PAX8: variants seen among roughly 807,000 people sequenced by gnomAD.
PAX8 encodes the protein paired box 8.
PAX8 carries 15 observed loss-of-function variants against 52.4 expected under a neutral mutation model. The ratio of observed to expected loss-of-function variants is 0.29; its 90% confidence interval spans 0.19 to 0.44. The LOEUF (loss-of-function observed/expected upper bound fraction) is 0.44, where lower values mean the gene tolerates loss of function less well. PAX8 is among the 20% of genes least tolerant of loss of function. The pLI, the probability that PAX8 is intolerant of heterozygous loss-of-function variation, is 1.00. For missense variants in PAX8, 554 were observed against 602.5 expected (o/e 0.92, Z 0.84); for synonymous variants, 284 against 249.7 (o/e 1.14, Z -1.29).
At chr2:113,278,308 GCGCACGCAC>G in intron 2 of PAX8, 53 bp downstream of exon 2, 1 of 1,304,238 alleles carries the variant, frequency 7.7e-7, no homozygotes, top group Non-Finnish European at 1.1e-6. Flanking sequence ...AACCACCCGA[GCGCACGCAC>G]GGACGCTCAG....
At chr2:113,253,328 T>A (rs1403436663) in intron 2 of PAX8, among the ~76,000 whole-genome samples, 1 of 152,208 alleles carries the variant, frequency 6.6e-6, no homozygotes, top group Non-Finnish European at 1.5e-5. Context: ...ATCATGGGCA[T>A]CCCAGGTAAC....
intron 3 of PAX8, among the ~76,000 whole-genome samples, chr2:113,245,212 A>G (rs542760245): frequency 6.6e-6 from 1 of 151,868 alleles, no homozygotes; most frequent in East Asian, 1.9e-4. Flanking sequence ...ACACCCGGCT[A>G]ATTTTTGCAT....
Position 113,235,398 on chromosome 2 carries a change from G to A in PAX8, c.1083C>T (p.Leu361=). The stretch of plus-strand genomic sequence containing the variant: ...CCCGGGACCTCCCTGTCGTACCTGA[G>A]AGGAGGGCCTGGCCCGTGAACTGCC... ...VYGQFTGQAL[L]SGREMVGPTL... The change falls in exon 9 of 12, where the codon CTC becomes CTT. Residue 361 remains leucine, a synonymous_variant. Transcript: ENST00000429538. 6.3e-7 allele frequency: 1 copy of A among 1,578,320 alleles called. No homozygotes were observed. The highest frequency in any genetic ancestry group is 1.2e-5 in the South Asian group (1 of 86,660).
At chr2:113,228,352 T>C (rs145154262) in intron 9 of PAX8, among the ~76,000 whole-genome samples, 1 of 152,340 alleles carries the variant, frequency 6.6e-6, no homozygotes, top group African/African-American at 2.4e-5. Context: ...GCCCATTTCA[T>C]TCTCAAAATG....
At position 113,216,656 on chromosome 2, in the gene PAX8, A is replaced by G. The variant is rs1318381935; in HGVS notation, c.*1877T>C. 1 of 226,692 alleles carries G rather than the reference A, an allele frequency of 4.4e-6. No individual in the cohort carries two copies. The highest frequency in any genetic ancestry group is 2.2e-5 in the African/African-American group (1 of 44,930). The allele number at this position is 226,692 out of a possible 1,614,324, so 14.0% of individuals were successfully genotyped here. On this transcript the variant is annotated 3_prime_UTR_variant, in exon 12 of 12. Transcript: ENST00000429538. ...CAGCCTCCCTCACCTTGTCCTGGCC[A>G]CACTACACTCTACCTCTCCATTCAG...
intron 2 of PAX8, among the ~76,000 whole-genome samples, chr2:113,252,618 A>G (rs1031110356): frequency 1.3e-5 from 2 of 152,140 alleles, no homozygotes; most frequent in Middle Eastern, 3.2e-3. Flanking sequence ...GTTACCCCCA[A>G]CTTGCTGCAT....
At chr2:113,224,595 G>A (rs998273327) in intron 10 of PAX8, among the ~76,000 whole-genome samples, 101 of 151,042 alleles carry the variant, frequency 6.7e-4, no homozygotes, top group African/African-American at 2.4e-3. Context: ...TGGAAGGATC[G>A]GTGGAAAGGT....
intron 2 of PAX8, among the ~76,000 whole-genome samples, chr2:113,264,329 G>C (rs1692900869): frequency 6.6e-6 from 1 of 152,218 alleles, no homozygotes; most frequent in Non-Finnish European, 1.5e-5. Context: ...GGCCTGAATG[G>C]CTGCATCAGG....
In PAX8 at chr2:113,242,723, C is replaced by T. The variant is rs750018101; in HGVS notation, c.445G>A (p.Ala149Thr). The change falls in exon 5 of 12, where the codon GCC becomes ACC. Residue 149 changes from alanine to threonine, a missense_variant. Physicochemically the swap from Ala to Thr is moderately conservative, Grantham distance 58. Around this residue, in one of 2 missense-constraint regions of PAX8, gnomAD observed 445 missense variants for 409.9 expected, o/e 1.09. Coordinates refer to ENST00000429538, the MANE Select transcript of PAX8 (RefSeq NM_003466.4). The stretch of plus-strand genomic sequence containing the variant: ...TGTCCGGGACTCAGGGACTTGGTGG[C>T]CACGCAGCTGTCCATAGGGAGGTTG... The part of the protein sequence containing the change: ...PFNLPMDSCV[A>T]TKSLSPGHTL... The T allele has an allele frequency of 1.9e-5, 31 of 1,613,714 alleles. No individual in the cohort carries two copies. In the African/African-American group the frequency reaches 3.1e-4, roughly 16 times the overall value.
chr2:113,223,420 C>T (rs760214175), intron 10 of PAX8, among the ~76,000 whole-genome samples: 1 of 152,214 alleles, frequency 6.6e-6, no homozygotes, highest in Non-Finnish European at 1.5e-5. Context: ...AGAACTACTG[C>T]AACTGTCCCC....
intron 2 of PAX8, among the ~76,000 whole-genome samples, chr2:113,259,953 G>A (rs561056137): frequency 1.2e-4 from 18 of 152,312 alleles, no homozygotes; most frequent in African/African-American, 3.8e-4. Context: ...CCGAACACGC[G>A]TTTAGATGCT....
rs550030787 is a variant in PAX8 at position 113,262,106 on chromosome 2, A to G, written c.26-15187T>C. ...CGGCCTCCCAAAGTGTTAGAATTAC[A>G]GGCATGAGCCACTGTGCCCGGCCGA... is the stretch of plus-strand genomic sequence containing the variant. On this transcript the variant is annotated intron_variant, in intron 2 of 11. Transcript: ENST00000429538. Among the ~76,000 whole-genome samples, 275 of 152,348 alleles carry G rather than the reference A, an allele frequency of 1.8e-3. 1 individual carries two copies. Among genetic ancestry groups the G allele is most frequent in the African/African-American group, 6.4e-3 (267 of 41,584 alleles).
chr2:113,248,160 T>C (rs1691477148), intron 2 of PAX8, among the ~76,000 whole-genome samples: 1 of 152,228 alleles, frequency 6.6e-6, no homozygotes, highest in Non-Finnish European at 1.5e-5. Flanking sequence ...ACTGGGCTAA[T>C]TTCAGGGCCG....
intron 11 of PAX8, among the ~76,000 whole-genome samples, chr2:113,218,869 T>A (rs1042309925): frequency 6.6e-6 from 1 of 152,172 alleles, no homozygotes; most frequent in Non-Finnish European, 1.5e-5. Context: ...AACACCCTCG[T>A]TGCAATAGGG....
Position 113,236,666 on chromosome 2 carries a change from A to G in PAX8, c.833T>C (p.Leu278Pro). 5 of 1,594,324 alleles carry G rather than the reference A, an allele frequency of 3.1e-6. No homozygotes were observed. The highest frequency in any genetic ancestry group is 4.3e-6 in the Non-Finnish European group (5 of 1,170,770). Residue 278 changes from leucine (L) to proline (P), a missense_variant, in exon 8 of 12, where the codon CTG becomes CCG. Leu to Pro is a moderately conservative substitution (Grantham distance 98, BLOSUM62 -3). Around this residue, in one of 2 missense-constraint regions of PAX8, gnomAD observed 445 missense variants for 409.9 expected, o/e 1.09. Transcript: ENST00000429538. ...CCCCAGTGGCGTGTTGGAAGGGGTC[A>G]GGGTGGCCTTCCCGTCGTCCAGGGT... is the stretch of plus-strand genomic sequence containing the variant. The part of the protein sequence containing the change: ...NSTLDDGKAT[L>P]TPSNTPLGRN...
At chr2:113,272,160 T>G (rs1450002136) in intron 2 of PAX8, 1 of 152,132 alleles carries the variant, frequency 6.6e-6, no homozygotes, top group African/African-American at 2.4e-5. Context: ...TCGGGGACTC[T>G]TGGACTTTCT....
intron 4 of PAX8, among the ~76,000 whole-genome samples, chr2:113,243,293 AAC>A (rs1347514839): frequency 2.0e-5 from 3 of 152,202 alleles, no homozygotes; most frequent in Non-Finnish European, 2.9e-5. Flanking sequence ...AAGAAGATAT[AAC>A]ACAGCCCCCA....
At chr2:113,235,351 C>T in intron 9 of PAX8, 43 bp downstream of exon 9, 1 of 1,519,114 alleles carries the variant, frequency 6.6e-7, no homozygotes, top group Non-Finnish European at 8.9e-7. Context: ...CCCCGTCCCA[C>T]CCGCCGCCAT....
intron 2 of PAX8, chr2:113,259,560 A>G (rs1692514945): frequency 1.3e-5 from 2 of 152,674 alleles, no homozygotes; most frequent in Admixed American, 6.5e-5. Flanking sequence ...AATCACCTGG[A>G]GAGTCCAGAA....
Sources: allele counts gnomAD v4.1 joint callset (sites outside exome capture counted in the v4.1 genomes callset), GRCh38; gene constraint gnomAD v4.1.1; regional missense constraint gnomAD v4.1.1; transcripts MANE v1.5; gene names NCBI Gene and HGNC (gene_info 2026-07-23, HGNC 2026-07-21).